The following ITGA1 variants were observed in gnomAD, a reference collection of about 807,000 sequenced individuals.
ITGA1 encodes integrin subunit alpha 1, also known as integrin alpha-1.
In ITGA1, 85 loss-of-function variants were observed where a neutral mutation model predicts 145.9. That is an observed-to-expected ratio of 0.58 (90% CI 0.49 to 0.70). The LOEUF (loss-of-function observed/expected upper bound fraction) is 0.70. Among genes scored for constraint, ITGA1 ranks in the 30% least tolerant of loss-of-function variants. ITGA1 has a pLI of 0.00. For missense variants in ITGA1, 1,351 were observed against 1,418.7 expected, an observed-to-expected ratio of 0.95 and a Z score of 0.77; for synonymous variants, 520 against 495.3, an observed-to-expected ratio of 1.05 and a Z score of -0.66.
chr5:52,877,249 T>C (rs962453650), intron 6 of ITGA1, among the ~76,000 whole-genome samples: 2 of 152,074 alleles, frequency 1.3e-5, no homozygotes, highest in Non-Finnish European at 2.9e-5. Context: ...GCCAGGAATA[T>C]GTAGAAGGAT....
Position 52,956,572 on chromosome 5 carries a change from T to C in ITGA1, c.*4121T>C, listed in dbSNP as rs1370196099. 2 of 152,124 alleles carry C rather than the reference T, an allele frequency of 1.3e-5. No individual in the cohort carries two copies. Among genetic ancestry groups the C allele is most frequent in the Non-Finnish European group, 2.9e-5 (2 of 68,048 alleles). 9.4% of individuals were successfully genotyped at this position (152,124 alleles called of 1,614,324 possible). On this transcript the variant is annotated 3_prime_UTR_variant, in exon 29 of 29. Coordinates refer to ENST00000282588, the MANE Select transcript of ITGA1 (RefSeq NM_181501.2). ...GCGGTGTTCTAAAGGGTTCACATAG[T>C]ATAATGGAGGAGGGACAAAGCAGAA...
At chr5:52,938,926 G>A (rs1430073153) in intron 24 of ITGA1, among the ~76,000 whole-genome samples, 1 of 151,490 alleles carries the variant, frequency 6.6e-6, no homozygotes, top group Non-Finnish European at 1.5e-5. Context: ...TTTTTGAGAC[G>A]GAATCTCTCT....
chr5:52,940,994 A>G (rs561840363), intron 26 of ITGA1, among the ~76,000 whole-genome samples: 2 of 152,256 alleles, frequency 1.3e-5, no homozygotes, highest in Admixed American at 1.3e-4. Context: ...ATGAGTACCC[A>G]AGGCTTAACT....
chr5:52,953,009 G>GT lies in ITGA1; in HGVS notation c.*559dup, dbSNP rs1283855291. 3 of 152,054 alleles carry GT rather than the reference G, an allele frequency of 2.0e-5. No homozygotes were observed. The highest frequency in any genetic ancestry group is 4.4e-5 in the Non-Finnish European group (3 of 68,022). 9.4% of individuals were successfully genotyped at this position (152,054 alleles called of 1,614,324 possible). A position where few individuals can be genotyped will look rare whatever the true frequency, so the allele number is the denominator to read the frequency against. On this transcript the variant is annotated 3_prime_UTR_variant, in exon 29 of 29. Coordinates refer to ENST00000282588, the MANE Select transcript of ITGA1 (RefSeq NM_181501.2). ...CACCAAGAATACATTTAGCATCTTT[G>GT]TGTTGGGTTCTATACCTAAAAATTT... is the stretch of plus-strand genomic sequence containing the variant.
chr5:52,815,579 G>A (rs1002801036), intron 1 of ITGA1, among the ~76,000 whole-genome samples: 1 of 152,112 alleles, frequency 6.6e-6, no homozygotes, highest in Non-Finnish European at 1.5e-5. Flanking sequence ...CTTGGCTCTA[G>A]TTCTGGAGCC....
chr5:52,808,639 A>G (rs10940271), intron 1 of ITGA1, among the ~76,000 whole-genome samples: 32,620 of 133,262 alleles, frequency 0.24, 4,504 homozygotes, highest in Non-Finnish European at 0.33. Context: ...GTTGTTGACT[A>G]TGGTATAATT....
intron 2 of ITGA1, among the ~76,000 whole-genome samples, chr5:52,852,829 A>G (rs1375642497): frequency 6.6e-6 from 1 of 152,150 alleles, no homozygotes; most frequent in Non-Finnish European, 1.5e-5. Flanking sequence ...TGGCTGAACA[A>G]CTAAATCTAG....
intron 1 of ITGA1, among the ~76,000 whole-genome samples, chr5:52,820,309 TG>T (rs1748855520): frequency 8.0e-6 from 1 of 125,230 alleles, no homozygotes. Context: ...CACTCATAGG[TG>T]GGAATTAAAC....
chr5:52,854,870 T>C (rs1286978511), intron 2 of ITGA1, among the ~76,000 whole-genome samples: 1 of 152,198 alleles, frequency 6.6e-6, no homozygotes, highest in Non-Finnish European at 1.5e-5. Flanking sequence ...TGATGATCCT[T>C]GAGTTGATCA....
intron 6 of ITGA1, among the ~76,000 whole-genome samples, chr5:52,873,425 A>G (rs1561233448): frequency 1.3e-5 from 2 of 152,212 alleles, no homozygotes; most frequent in Non-Finnish European, 2.9e-5. Flanking sequence ...AAGAGTCCAG[A>G]TAAAGATACC....
chr5:52,919,343 A>T (rs1409883103), intron 16 of ITGA1, among the ~76,000 whole-genome samples: 3 of 151,952 alleles, frequency 2.0e-5, no homozygotes, highest in Non-Finnish European at 2.9e-5. Flanking sequence ...CCATTCCCAC[A>T]TTTCCGAGAT....
At position 52,929,691 on chromosome 5, in the gene ITGA1, A is replaced by G. The variant is rs781594192; in HGVS notation, c.2761A>G (p.Ser921Gly). The G allele has an allele frequency of 1.3e-6, 2 of 1,582,542 alleles. No homozygotes were observed. The highest frequency in any genetic ancestry group is 2.2e-5 in the South Asian group (2 of 89,234). ...YLMENVTIYLSATSDSEEPPE... is the reference protein window; with the variant it reads ...YLMENVTIYLGATSDSEEPPE... ...CATGGAAAATGTGACCATTTATTTA[A>G]GTGCAACAAGGTTGGTTTACATGTG... The change falls in exon 21 of 29, where the codon AGT (serine) becomes GGT (glycine). Residue 921 changes from serine (S) to glycine (G), a missense_variant. Coordinates refer to ENST00000282588, the MANE Select transcript of ITGA1 (RefSeq NM_181501.2).
intron 23 of ITGA1, among the ~76,000 whole-genome samples, chr5:52,935,752 A>G (rs1217662478): frequency 6.6e-6 from 1 of 152,200 alleles, no homozygotes; most frequent in Non-Finnish European, 1.5e-5. Flanking sequence ...AGCATAATAC[A>G]TTTTACAGAC....
chr5:52,827,469 G>A (rs932053995), intron 1 of ITGA1, among the ~76,000 whole-genome samples: 3 of 152,162 alleles, frequency 2.0e-5, no homozygotes, highest in African/African-American at 7.2e-5. Context: ...AGCAATGTCA[G>A]GATTTGAGGA....
chr5:52,792,070 T>C (rs1748253238), intron 1 of ITGA1, among the ~76,000 whole-genome samples: 1 of 152,254 alleles, frequency 6.6e-6, no homozygotes, highest in South Asian at 2.1e-4. Context: ...ATTTCCATGA[T>C]TTTTAGGTGT....
rs772002656 is a variant in ITGA1, at chr5:52,954,602, T to C, written c.*2151T>C. The C allele has an allele frequency of 2.1e-5, 3 of 145,084 alleles. No homozygotes were observed. Among genetic ancestry groups the C allele is most frequent in the Non-Finnish European group, 3.0e-5 (2 of 65,620 alleles). The allele number at this position is 145,084 out of a possible 1,614,324, so 9.0% of individuals were successfully genotyped here. A position where few individuals can be genotyped will look rare whatever the true frequency, so the allele number is the denominator to read the frequency against. On this transcript the variant is annotated 3_prime_UTR_variant, in exon 29 of 29. Coordinates refer to ENST00000282588, the MANE Select transcript of ITGA1 (RefSeq NM_181501.2). ...AACCAGAAGTCCTGTTTCTCTAATA[T>C]TATAATTTGTTGAGGTTTGTGTGTG...
chr5:52,939,475 A>T, intron 24 of ITGA1, 115 bp from the exon 25 acceptor site: 1 of 681,166 alleles, frequency 1.5e-6, no homozygotes, highest in East Asian at 2.7e-5. Context: ...ACAAAGATGG[A>T]TCTCTAATAT....
intron 1 of ITGA1, among the ~76,000 whole-genome samples, chr5:52,847,529 G>A (rs1209369207): frequency 6.6e-6 from 1 of 150,632 alleles, no homozygotes; most frequent in Non-Finnish European, 1.5e-5. Flanking sequence ...ATAAGACAGT[G>A]CTCTTTGGAA....
chr5:52,826,553 T>G (rs2111713160), intron 1 of ITGA1, among the ~76,000 whole-genome samples: 1 of 152,324 alleles, frequency 6.6e-6, no homozygotes, highest in South Asian at 2.1e-4. Context: ...CATCTAGGAC[T>G]TTCATAGCTA....
Sources: gnomAD v4.1 joint callset for allele counts (sites outside exome capture counted in the v4.1 genomes callset) on GRCh38, gnomAD v4.1.1 for gene constraint, MANE v1.5 for transcripts, NCBI Gene and HGNC (gene_info 2026-07-23, HGNC 2026-07-21) for gene names.